The following UNC5D variants were observed in gnomAD, a reference collection of about 807,000 sequenced individuals.
The protein encoded by UNC5D is unc-5 netrin receptor D, also known as netrin receptor UNC5D.
UNC5D carries 39 observed loss-of-function variants against 105.4 expected under a neutral mutation model. That is an observed-to-expected ratio of 0.37 (90% CI 0.29 to 0.48). UNC5D has a LOEUF of 0.48. UNC5D is among the 20% of genes least tolerant of loss of function. UNC5D has a pLI of 0.98. For missense variants in UNC5D, 991 were observed against 1,202.4 expected, an observed-to-expected ratio of 0.82 and a Z score of 2.60; for synonymous variants, 452 against 450.4, an observed-to-expected ratio of 1.00 and a Z score of -0.04.
rs114775158 is a variant in UNC5D, at chr8:35,770,307, C to T, written c.2478+3241C>T. 1.3e-3 allele frequency among the ~76,000 whole-genome samples: 205 copies of T among 152,180 alleles called. 1 individual carries two copies. The highest frequency in any genetic ancestry group is 4.8e-3 in the African/African-American group (201 of 41,538). On this transcript the variant is annotated intron_variant, in intron 15 of 16. Coordinates refer to ENST00000404895, the MANE Select transcript of UNC5D (RefSeq NM_080872.4). ...AATAAGATATCTATCTCAAATACTG[C>T]TTTAAATCTTTAAGTCAATGCAATA...
At chr8:35,542,875 T>A (rs192623976) in intron 1 of UNC5D, among the ~76,000 whole-genome samples, 1 of 152,332 alleles carries the variant, frequency 6.6e-6, no homozygotes, top group African/African-American at 2.4e-5. Context: ...TTGTAATTCT[T>A]TCCTTTTTAT....
intron 1 of UNC5D, among the ~76,000 whole-genome samples, chr8:35,516,390 A>G (rs1245819077): frequency 6.6e-6 from 1 of 152,190 alleles, no homozygotes; most frequent in African/African-American, 2.4e-5. Context: ...GGTTTGCACC[A>G]GACGTTTGTA....
At chr8:35,760,362 A>G (rs1276233537) in intron 14 of UNC5D, among the ~76,000 whole-genome samples, 1 of 152,018 alleles carries the variant, frequency 6.6e-6, no homozygotes, top group Non-Finnish European at 1.5e-5. Context: ...CTTTCTTAAG[A>G]GTCCTTTTAT....
intron 1 of UNC5D, among the ~76,000 whole-genome samples, chr8:35,288,321 A>G (rs866122571): frequency 1.3e-5 from 2 of 152,160 alleles, no homozygotes; most frequent in Admixed American, 6.5e-5. Context: ...TGGGGAAAAG[A>G]AAGACTATCA....
intron 16 of UNC5D, among the ~76,000 whole-genome samples, chr8:35,779,042 T>C (rs1440246261): frequency 1.3e-5 from 2 of 152,202 alleles, no homozygotes; most frequent in Non-Finnish European, 2.9e-5. Flanking sequence ...ATAACAGTTG[T>C]AGTTATAGAT....
intron 1 of UNC5D, among the ~76,000 whole-genome samples, chr8:35,541,725 G>A (rs1815289281): frequency 6.6e-6 from 1 of 152,102 alleles, no homozygotes; most frequent in South Asian, 2.1e-4. Context: ...TCATAGATTT[G>A]TTATTATTTA....
At chr8:35,447,965 G>C (rs564673267) in intron 1 of UNC5D, among the ~76,000 whole-genome samples, 2 of 152,100 alleles carry the variant, frequency 1.3e-5, no homozygotes, top group African/African-American at 4.8e-5. Context: ...TTCCAAATTT[G>C]TTCCTAAAAA....
At chr8:35,754,437 T>A (rs1174565259) in intron 13 of UNC5D, among the ~76,000 whole-genome samples, 1 of 152,242 alleles carries the variant, frequency 6.6e-6, no homozygotes, top group Non-Finnish European at 1.5e-5. Context: ...TGCCCAACTC[T>A]AACTGTGCTG....
rs559078557 is a variant in UNC5D, at chr8:35,750,305, G to T, written c.1936-277G>T. 1.6e-3 allele frequency among the ~76,000 whole-genome samples: 239 copies of T among 145,248 alleles called. 4 individuals are homozygous for T. Among genetic ancestry groups the T allele is most frequent in the African/African-American group, 5.8e-3 (229 of 39,172 alleles). On this transcript the variant is annotated intron_variant, in intron 12 of 16. Coordinates refer to ENST00000404895, the MANE Select transcript of UNC5D (RefSeq NM_080872.4). Reference sequence around the variant, plus strand: ...CCCCCAACCCCACCCCACCCCAGGAGGTCTTGAACTCCTGACCTCAGGTGA... The same window carrying T: ...CCCCCAACCCCACCCCACCCCAGGATGTCTTGAACTCCTGACCTCAGGTGA...
chr8:35,729,250 A>G (rs1478524620), intron 10 of UNC5D, among the ~76,000 whole-genome samples: 2 of 152,170 alleles, frequency 1.3e-5, no homozygotes, highest in Non-Finnish European at 2.9e-5. Context: ...AATTGTCCTC[A>G]CACATCTTTC....
At chr8:35,571,176 C>T (rs543730932) in intron 3 of UNC5D, among the ~76,000 whole-genome samples, 3 of 152,092 alleles carry the variant, frequency 2.0e-5, no homozygotes, top group Non-Finnish European at 4.4e-5. Context: ...CTATCACTTC[C>T]CACCTTTTTA....
intron 1 of UNC5D, among the ~76,000 whole-genome samples, chr8:35,489,002 C>A (rs1811015573): frequency 6.6e-6 from 1 of 151,300 alleles, no homozygotes; most frequent in Admixed American, 6.6e-5. Context: ...TGAATTATCT[C>A]CCCCCAATTT....
At chr8:35,328,047 TTTTGTTTG>T (rs948530974) in intron 1 of UNC5D, among the ~76,000 whole-genome samples, 1 of 152,086 alleles carries the variant, frequency 6.6e-6, no homozygotes, top group Non-Finnish European at 1.5e-5. Context: ...AGGATGTGTT[TTTTGTTTG>T]TTTGTTTGTT....
rs1803227357 is a variant in UNC5D, at chr8:35,795,683, A to G, written c.*5120A>G. 6.6e-6 allele frequency: 1 copy of G among 152,180 alleles called. No homozygotes were observed. The highest frequency in any genetic ancestry group is 2.1e-4 in the South Asian group (1 of 4,826). 9.4% of individuals were successfully genotyped at this position (152,180 alleles called of 1,614,324 possible). On this transcript the variant is annotated 3_prime_UTR_variant, in exon 17 of 17. Transcript: ENST00000404895. ...GGTAACTGAAAACTTTCAATCAGAA[A>G]CACTCTCCAAGGCTTATGGCTAGAT... is the stretch of plus-strand genomic sequence containing the variant.
chr8:35,252,094 T>A (rs1371409342), intron 1 of UNC5D, among the ~76,000 whole-genome samples: 1 of 144,952 alleles, frequency 6.9e-6, no homozygotes, highest in Non-Finnish European at 1.5e-5. Flanking sequence ...CGATCCCGAC[T>A]CACTGCAGGC....
chr8:35,404,620 C>T (rs1441730322), intron 1 of UNC5D, among the ~76,000 whole-genome samples: 1 of 152,108 alleles, frequency 6.6e-6, no homozygotes, highest in East Asian at 1.9e-4. Flanking sequence ...CGGAGTCTCG[C>T]TCTGTTGCCC....
intron 12 of UNC5D, among the ~76,000 whole-genome samples, chr8:35,748,967 C>T (rs146089207): frequency 6.6e-6 from 1 of 152,266 alleles, no homozygotes; most frequent in East Asian, 1.9e-4. Context: ...CATACCTGCT[C>T]ATTGATCCCC....
intron 1 of UNC5D, among the ~76,000 whole-genome samples, chr8:35,289,198 A>C (rs1453598254): frequency 6.6e-6 from 1 of 152,234 alleles, no homozygotes; most frequent in Non-Finnish European, 1.5e-5. Context: ...AAAAGGGAGC[A>C]ATGATAACCA....
chr8:35,704,285 A>G (rs917297615), intron 7 of UNC5D, among the ~76,000 whole-genome samples: 43 of 152,290 alleles, frequency 2.8e-4, no homozygotes, highest in Middle Eastern at 6.8e-3. Flanking sequence ...CTGGAGCTGC[A>G]TTTATAGCAC....
Sources: allele counts gnomAD v4.1 joint callset (sites outside exome capture counted in the v4.1 genomes callset), GRCh38; gene constraint gnomAD v4.1.1; transcripts MANE v1.5; gene names NCBI Gene and HGNC (gene_info 2026-07-23, HGNC 2026-07-21).